Variants in MYO10 observed in about 807,000 individuals in gnomAD.
MYO10 encodes unconventional myosin-X.
Under a neutral mutation model 257.3 loss-of-function variants are expected in MYO10, and 133 were observed. That is an observed-to-expected ratio of 0.52 (90% CI 0.45 to 0.60). The LOEUF is 0.60. Ranked by LOEUF, MYO10 falls within the 20% of genes least tolerant of loss-of-function variation. MYO10 has a pLI of 0.00. For synonymous variants in MYO10, 1,104 were observed against 1,028.6 expected (o/e 1.07, Z -1.40); for missense variants, 2,399 against 2,635.7 (o/e 0.91, Z 1.97).
chr5:16,817,012 A>G (rs1233132431), intron 3 of MYO10, among the ~76,000 whole-genome samples: 1 of 150,098 alleles, frequency 6.7e-6, no homozygotes, highest in African/African-American at 2.5e-5. Flanking sequence ...TAGAGATGGG[A>G]TTTCACCATG....
chr5:16,820,817 A>G (rs1237501106), intron 2 of MYO10, among the ~76,000 whole-genome samples: 1 of 151,382 alleles, frequency 6.6e-6, no homozygotes, highest in African/African-American at 2.4e-5. Context: ...TATTTTACAT[A>G]TATGTAATAT....
chr5:16,680,283 T>C (rs1736930267), intron 32 of MYO10, among the ~76,000 whole-genome samples, 179 bp from the exon 33 acceptor site: 1 of 152,198 alleles, frequency 6.6e-6, no homozygotes, highest in African/African-American at 2.4e-5. Context: ...AGAAAAAAAG[T>C]GTCTCTTGCA....
intron 2 of MYO10, among the ~76,000 whole-genome samples, chr5:16,863,371 GA>G (rs67560201): frequency 0.11 from 16,643 of 152,204 alleles, 1,200 homozygotes; most frequent in East Asian, 0.21. Context: ...AAAAGGGTCA[GA>G]AATAAGCTGG....
chr5:16,926,626 C>T (rs188177268), intron 1 of MYO10, among the ~76,000 whole-genome samples: 18 of 151,752 alleles, frequency 1.2e-4, no homozygotes, highest in Non-Finnish European at 2.5e-4. Flanking sequence ...TGCTTGAACT[C>T]GGGAGGTGGA....
chr5:16,704,476 C>A (rs185483934), intron 22 of MYO10, 103 bp downstream of exon 22: 11,369 of 943,232 alleles, frequency 0.012, 98 homozygotes, highest in Middle Eastern at 0.03. Context: ...ACCTGAGGCT[C>A]CCCTCAATTC....
chr5:16,771,168 C>T (rs1471328107), intron 9 of MYO10, among the ~76,000 whole-genome samples: 2 of 151,968 alleles, frequency 1.3e-5, no homozygotes, highest in Non-Finnish European at 2.9e-5. Flanking sequence ...TATACATGAG[C>T]GATAAAAATA....
intron 2 of MYO10, among the ~76,000 whole-genome samples, chr5:16,864,395 A>G (rs1282020279): frequency 1.3e-5 from 2 of 152,218 alleles, no homozygotes; most frequent in African/African-American, 4.8e-5. Context: ...GAGGAGAGAC[A>G]GAAAAAAATC....
chr5:16,845,400 C>T (rs764520220), intron 2 of MYO10, among the ~76,000 whole-genome samples: 1 of 152,140 alleles, frequency 6.6e-6, no homozygotes, highest in Non-Finnish European at 1.5e-5. Flanking sequence ...GTGCAGTGGG[C>T]TCTCACCTGT....
intron 19 of MYO10, chr5:16,738,176 G>C: frequency 2.0e-6 from 2 of 985,426 alleles, no homozygotes; most frequent in Non-Finnish European, 2.4e-6. Flanking sequence ...GTTTCTTTTG[G>C]AGCCCAGCGA....
intron 2 of MYO10, among the ~76,000 whole-genome samples, chr5:16,846,049 C>T (rs1226651600): frequency 6.6e-6 from 1 of 152,122 alleles, no homozygotes; most frequent in African/African-American, 2.4e-5. Context: ...CTATGTTGGT[C>T]TCCTATAATT....
At chr5:16,767,445 A>G (rs1197054186) in intron 10 of MYO10, among the ~76,000 whole-genome samples, 1 of 151,960 alleles carries the variant, frequency 6.6e-6, no homozygotes, top group Admixed American at 6.6e-5. Flanking sequence ...AAGTTCTGGG[A>G]TTACAGGTAG....
At chr5:16,768,985 T>C (rs1424552764) in intron 10 of MYO10, 89 bp downstream of exon 10, 5 of 1,434,076 alleles carry the variant, frequency 3.5e-6, no homozygotes, top group Middle Eastern at 5.0e-4. Context: ...CAGAATTTTC[T>C]TTCTGAAAGG....
At chr5:16,713,923 G>A (rs1738735721) in intron 19 of MYO10, among the ~76,000 whole-genome samples, 2 of 152,196 alleles carry the variant, frequency 1.3e-5, no homozygotes, top group Non-Finnish European at 2.9e-5. Flanking sequence ...TGTACCGACA[G>A]GGAAGTCTCG....
intron 1 of MYO10, among the ~76,000 whole-genome samples, chr5:16,921,585 G>C (rs1267853203): frequency 1.4e-5 from 2 of 147,066 alleles, no homozygotes; most frequent in African/African-American, 5.0e-5. Context: ...AGGCCATTAG[G>C]AAACAGTAGA....
In MYO10 at chr5:16,699,499, C is replaced by T. The variant is rs1394089963; in HGVS notation, c.3507G>A (p.Val1169=). 3 of 1,613,706 alleles carry T rather than the reference C, an allele frequency of 1.9e-6. No homozygotes were observed. The highest frequency in any genetic ancestry group is 3.3e-5 in the Admixed American group (2 of 59,990). ...AATACGGCAGAGTGACACAGCTGTA[C>T]ACAGAGTCACGCCGGTATGAAAGCT... is the stretch of plus-strand genomic sequence containing the variant. ...DDELSYRRDS[V]YSCVTLPYFH... is the part of the protein sequence containing the mutation. Residue 1169 remains valine, a synonymous_variant, in exon 26 of 41, where the codon GTG becomes GTA. Transcript: ENST00000513610.
Position 16,777,269 on chromosome 5 carries a change from G to A in MYO10, c.930+2276C>T, listed in dbSNP as rs987395359. Among the ~76,000 whole-genome samples the A allele has an allele frequency of 5.9e-5, 9 of 152,282 alleles. 1 individual carries two copies. The highest frequency in any genetic ancestry group is 3.4e-3 in the Middle Eastern group (1 of 294). On this transcript the variant is annotated intron_variant, in intron 9 of 40. Transcript: ENST00000513610. ...GGTTAGAAAATAGGAGAGATGGAGC[G>A]AGAAACCGCTCTGCATTATAAATGG...
intron 2 of MYO10, among the ~76,000 whole-genome samples, chr5:16,855,742 G>C (rs1211952727): frequency 6.6e-6 from 1 of 152,236 alleles, no homozygotes; most frequent in Non-Finnish European, 1.5e-5. Flanking sequence ...AGCTCAGCCA[G>C]TTAACATCTG....
chr5:16,935,907 C>T lies in MYO10; in HGVS notation c.-99G>A. ...AAACCATGCGTGTCACGGCGCCACT[C>T]CCGAGGACGCGCGCCCGCGGGGCTC... On this transcript the variant is annotated 5_prime_UTR_variant, in exon 1 of 41. Transcript: ENST00000513610. 6.8e-7 allele frequency: 1 copy of T among 1,474,446 alleles called. No individual in the cohort carries two copies. Among genetic ancestry groups the T allele is most frequent in the Admixed American group, 2.0e-5 (1 of 50,678 alleles). 91.3% of individuals were successfully genotyped at this position (1,474,446 alleles called of 1,614,324 possible).
intron 3 of MYO10, among the ~76,000 whole-genome samples, chr5:16,805,978 T>A (rs1742264242): frequency 6.6e-6 from 1 of 152,200 alleles, no homozygotes; most frequent in Admixed American, 6.5e-5. Context: ...AAGTATCATT[T>A]GACTTCAGCA....
Sources: allele counts gnomAD v4.1 joint callset (sites outside exome capture counted in the v4.1 genomes callset), GRCh38; gene constraint gnomAD v4.1.1; transcripts MANE v1.5; gene names NCBI Gene and HGNC (gene_info 2026-07-23, HGNC 2026-07-21).